Variants in ADAMTS2 observed in about 807,000 individuals in gnomAD.
The protein encoded by ADAMTS2 is A disintegrin and metalloproteinase with thrombospondin motifs 2.
A neutral mutation model predicts 123.0 loss-of-function variants in ADAMTS2; 50 were observed. The ratio of observed to expected loss-of-function variants is 0.41; its 90% CI spans 0.32 to 0.51. The LOEUF (loss-of-function observed/expected upper bound fraction) is 0.51. ADAMTS2 is among the 20% of genes least tolerant of loss of function. The pLI, the probability that ADAMTS2 is intolerant of heterozygous loss-of-function variation, is 0.35. For synonymous variants in ADAMTS2, 678 were observed against 695.4 expected, an observed-to-expected ratio of 0.98 and a Z score of 0.39; for missense variants, 1,494 against 1,705.2, an observed-to-expected ratio of 0.88 and a Z score of 2.18.
intron 2 of ADAMTS2, among the ~76,000 whole-genome samples, chr5:179,279,478 C>T (rs765802421): frequency 1.1e-4 from 17 of 152,220 alleles, no homozygotes; most frequent in Admixed American, 7.8e-4. Context: ...TGCTGGACAA[C>T]GGGGCAATGG....
intron 3 of ADAMTS2, among the ~76,000 whole-genome samples, chr5:179,251,528 T>A (rs13155737): frequency 0.28 from 42,359 of 151,784 alleles, 7,268 homozygotes; most frequent in Non-Finnish European, 0.35. Flanking sequence ...GACACAAGAA[T>A]TGGCCTTCTG....
chr5:179,274,130 C>T (rs1033663107), intron 2 of ADAMTS2, among the ~76,000 whole-genome samples: 1 of 151,874 alleles, frequency 6.6e-6, no homozygotes. Context: ...ATACCCTGCC[C>T]TCCCCTGCCA....
Position 179,345,243 on chromosome 5 carries a change from GGCAGGAGCGGCGGCGGCA to G in ADAMTS2, c.68_85del (p.Leu23_Leu28del), listed in dbSNP as rs1486181767. The G allele has an allele frequency of 6.1e-6, 7 of 1,146,518 alleles. No homozygotes were observed. Among genetic ancestry groups the G allele is most frequent in the East Asian group, 4.7e-5 (1 of 21,362 alleles). 71.0% of individuals were successfully genotyped at this position (1,146,518 alleles called of 1,614,324 possible). On this transcript the variant is annotated inframe_deletion, in exon 1 of 22. Coordinates refer to ENST00000251582, the MANE Select transcript of ADAMTS2 (RefSeq NM_014244.5). The surrounding 1 kb of genome is among the most constrained non-coding windows in gnomAD (Gnocchi z 7.5). ...GGCGTTCGCGGGCGGCGGCGGCGGC[GGCAGGAGCGGCGGCGGCA>G]GCAGCAGCAGCAGCAGCAGCAGCGC...
chr5:179,161,161 C>T (rs1012725077), intron 5 of ADAMTS2, among the ~76,000 whole-genome samples: 2 of 152,310 alleles, frequency 1.3e-5, no homozygotes, highest in Middle Eastern at 3.4e-3. Flanking sequence ...CCAAGCCTGA[C>T]CCCTGCAGCT....
chr5:179,345,411 A>C lies in ADAMTS2; in HGVS notation c.-83T>G. The C allele has an allele frequency of 9.9e-7, 1 of 1,014,288 alleles. No individual in the cohort carries two copies. The highest frequency in any genetic ancestry group is 1.2e-6 in the Non-Finnish European group (1 of 846,016). The allele number at this position is 1,014,288 out of a possible 1,614,324, so 62.8% of individuals were successfully genotyped here. A position where few individuals can be genotyped will look rare whatever the true frequency, so the allele number is the denominator to read the frequency against. ...AGCCGCCCAGCCCACATCTGGGGGCAGCTGGAGCCGCCCGCAGCTGCAGCA... is the reference window on the plus strand; with the variant it reads ...AGCCGCCCAGCCCACATCTGGGGGCCGCTGGAGCCGCCCGCAGCTGCAGCA... On this transcript the variant is annotated 5_prime_UTR_variant, in exon 1 of 22. Transcript: ENST00000251582. This position sits in a 1 kb window ranked among gnomAD's most constrained non-coding sequence, Gnocchi z 7.5.
intron 2 of ADAMTS2, among the ~76,000 whole-genome samples, chr5:179,330,428 G>C (rs1757452211): frequency 6.6e-6 from 1 of 152,226 alleles, no homozygotes; most frequent in Non-Finnish European, 1.5e-5. Flanking sequence ...AGCTGAGACT[G>C]CCCCAATCAG....
At chr5:179,325,488 C>A (rs193084277) in intron 2 of ADAMTS2, among the ~76,000 whole-genome samples, 2 of 152,384 alleles carry the variant, frequency 1.3e-5, no homozygotes, top group South Asian at 2.1e-4. Flanking sequence ...CCCCGACCCA[C>A]TCCCAGAGGG....
At chr5:179,144,068 A>G (rs1763215368) in intron 10 of ADAMTS2, among the ~76,000 whole-genome samples, 1 of 152,206 alleles carries the variant, frequency 6.6e-6, no homozygotes, top group Non-Finnish European at 1.5e-5. Flanking sequence ...AAGCTAACAA[A>G]CAAATTAACT....
At chr5:179,321,048 C>A (rs1284784979) in intron 2 of ADAMTS2, among the ~76,000 whole-genome samples, 1 of 152,166 alleles carries the variant, frequency 6.6e-6, no homozygotes, top group Non-Finnish European at 1.5e-5. Context: ...AGATATTTTT[C>A]TTTTTGCAGA....
intron 3 of ADAMTS2, among the ~76,000 whole-genome samples, chr5:179,255,801 C>T (rs1312804045): frequency 4.6e-5 from 7 of 152,194 alleles, no homozygotes; most frequent in Non-Finnish European, 8.8e-5. Flanking sequence ...CCACTTCTTG[C>T]TCCTTCCTGG....
In ADAMTS2 at chr5:179,153,593, G is replaced by A. The variant is rs751565994; in HGVS notation, c.1413C>T (p.Phe471=). 6.2e-6 allele frequency: 10 copies of A among 1,606,674 alleles called. No homozygotes were observed. The highest frequency in any genetic ancestry group is 2.7e-5 in the African/African-American group (2 of 74,906). ...HSYDCLLDDP[F]AHDWPALPQL... ...GGGGCAGCGCCGGCCAGTCGTGGGC[G>A]AAGGGGTCATCCAGCAGGCAGTCAT... Residue 471 remains phenylalanine (F), a synonymous_variant, in exon 9 of 22, where the codon TTC becomes TTT. Transcript: ENST00000251582.
intron 3 of ADAMTS2, among the ~76,000 whole-genome samples, chr5:179,217,628 T>C (rs1316570650): frequency 1.3e-5 from 2 of 148,598 alleles, no homozygotes; most frequent in Non-Finnish European, 3.0e-5. Context: ...GGGCGGGCTT[T>C]GGGTTCCAAG....
At chr5:179,245,800 A>AAAAACAAC (rs1561628836) in intron 3 of ADAMTS2, among the ~76,000 whole-genome samples, 2 of 142,738 alleles carry the variant, frequency 1.4e-5, no homozygotes, top group African/African-American at 5.4e-5. Context: ...AAAAAACAAA[A>AAAAACAAC]AAAACAAAGA....
intron 4 of ADAMTS2, among the ~76,000 whole-genome samples, chr5:179,196,405 T>G (rs183227646): frequency 6.6e-6 from 1 of 152,162 alleles, no homozygotes; most frequent in Non-Finnish European, 1.5e-5. Flanking sequence ...AAGAGATGCT[T>G]TGGGGGCTCA....
intron 4 of ADAMTS2, among the ~76,000 whole-genome samples, chr5:179,183,926 G>A (rs73328260): frequency 0.023 from 3,469 of 152,278 alleles, 142 homozygotes; most frequent in African/African-American, 0.079. Context: ...TCTCTCTGCC[G>A]TGGGAGGACC....
Position 179,132,841 on chromosome 5 carries a change from G to A in ADAMTS2, c.2145C>T (p.Cys715=), listed in dbSNP as rs372661052. ...SSKQEDKCGV[C]GGDNSHCKVV... Reference sequence around the variant, plus strand: ...CTTTGCAGTGGCTGTTGTCCCCTCCGCACACGCCACACTTGTCTTCCTGCT... The same window carrying A: ...CTTTGCAGTGGCTGTTGTCCCCTCCACACACGCCACACTTGTCTTCCTGCT... The change falls in exon 14 of 22, where the codon TGC becomes TGT. Residue 715 remains cysteine (C), a synonymous_variant. Transcript: ENST00000251582. The surrounding 1 kb of genome is among the most constrained non-coding windows in gnomAD (Gnocchi z 6.1). The A allele has an allele frequency of 2.7e-5, 43 of 1,613,868 alleles. No homozygotes were observed. Among genetic ancestry groups the A allele is most frequent in the Middle Eastern group, 1.6e-4 (1 of 6,084 alleles).
chr5:179,203,155 T>G (rs1764605320), intron 4 of ADAMTS2, among the ~76,000 whole-genome samples: 1 of 152,074 alleles, frequency 6.6e-6, no homozygotes, highest in South Asian at 2.1e-4. Context: ...CCACCTCACC[T>G]CCTCCTCAGA....
At chr5:179,334,635 A>C (rs2127460468) in intron 2 of ADAMTS2, among the ~76,000 whole-genome samples, 1 of 152,342 alleles carries the variant, frequency 6.6e-6, no homozygotes, top group Middle Eastern at 3.4e-3. Context: ...CAGACGGTGC[A>C]GATTGGAGAT....
chr5:179,140,493 T>TA (rs1452869981), intron 10 of ADAMTS2, among the ~76,000 whole-genome samples: 3 of 152,130 alleles, frequency 2.0e-5, no homozygotes, highest in African/African-American at 7.2e-5. Flanking sequence ...GCTGACATGG[T>TA]AAAAACCAGG....
Sources: allele counts gnomAD v4.1 joint callset (sites outside exome capture counted in the v4.1 genomes callset), GRCh38; gene constraint gnomAD v4.1.1; non-coding constraint Gnocchi (gnomAD v3.1); transcripts MANE v1.5; gene names NCBI Gene and HGNC (gene_info 2026-07-23, HGNC 2026-07-21).